ANKS3: variants seen among roughly 807,000 people sequenced by gnomAD.
The protein encoded by ANKS3 is ankyrin repeat and sterile alpha motif domain containing 3.
In ANKS3, 62 loss-of-function variants were observed where a neutral mutation model predicts 80.7. The ratio of observed to expected loss-of-function variants is 0.77; its 90% CI spans 0.63 to 0.95. The LOEUF (loss-of-function observed/expected upper bound fraction) is 0.95, where lower values mean the gene tolerates loss of function less well. Among genes scored for constraint, ANKS3 ranks in the 40% least tolerant of loss-of-function variants. The pLI is 0.00. For missense variants in ANKS3, 1,150 were observed against 883.6 expected (o/e 1.30, Z -3.82); for synonymous variants, 489 against 355.3 (o/e 1.38, Z -4.23).
intron 6 of ANKS3, among the ~76,000 whole-genome samples, chr16:4,720,264 C>A (rs1194204935): frequency 1.3e-5 from 2 of 149,292 alleles, no homozygotes; most frequent in East Asian, 2.0e-4. Flanking sequence ...GAGATTGAGA[C>A]CATCCTGGCC....
At chr16:4,724,551 G>A (rs1200331435) in intron 6 of ANKS3, among the ~76,000 whole-genome samples, 199 bp downstream of exon 6, 2 of 152,154 alleles carry the variant, frequency 1.3e-5, no homozygotes, top group Non-Finnish European at 2.9e-5. Flanking sequence ...AGGAATAGGT[G>A]TCTATTTCTA....
intron 3 of ANKS3, chr16:4,727,831 T>C (rs890606342): frequency 6.5e-6 from 1 of 153,196 alleles, no homozygotes. Context: ...ATTCTGGCAA[T>C]GCATTTTCCC....
At chr16:4,712,294 T>C (rs57462364) in intron 7 of ANKS3, among the ~76,000 whole-genome samples, 6,920 of 151,886 alleles carry the variant, frequency 0.046, 264 homozygotes, top group African/African-American at 0.098. Flanking sequence ...TTGCTTGAAC[T>C]CAGGAGGCGG....
chr16:4,697,888 A>T, intron 15 of ANKS3, 89 bp downstream of exon 15: 1 of 1,222,296 alleles, frequency 8.2e-7, no homozygotes, highest in Non-Finnish European at 1.1e-6. Flanking sequence ...CCGGCCGGAG[A>T]ACCAGGCCAA....
At chr16:4,714,990 C>CAAAAAAAAAAAAAAAAAAAAAAAAAAAAA (rs753327026) in intron 6 of ANKS3, among the ~76,000 whole-genome samples, 2 of 36,616 alleles carry the variant, frequency 5.5e-5, no homozygotes, top group African/African-American at 3.0e-4. Flanking sequence ...GACTCTGTCT[C>CAAAAAAAAAAAAAAAAAAAAAAAAAAAAA]AAAAAAAAAA....
At position 4,702,680 on chromosome 16, in the gene ANKS3, C is replaced by T. The variant is rs555709723; in HGVS notation, c.869-438G>A. ...TAGCGGGCCTCCTCTGGTCAGTCAA[C>T]CCCGGCGAAAAAGAGACCTGGCTGA... On this transcript the variant is annotated intron_variant, in intron 8 of 17. Coordinates refer to ENST00000304283, the MANE Select transcript of ANKS3 (RefSeq NM_133450.4). Among the ~76,000 whole-genome samples, 5 of 152,212 alleles carry T rather than the reference C, an allele frequency of 3.3e-5. No individual in the cohort carries two copies. In the South Asian group the frequency reaches 8.3e-4, roughly 25 times the overall value.
intron 1 of ANKS3, among the ~76,000 whole-genome samples, chr16:4,731,933 AG>A (rs1363569844): frequency 1.3e-5 from 2 of 152,206 alleles, no homozygotes; most frequent in Non-Finnish European, 2.9e-5. Context: ...AGGGTAGGAA[AG>A]GGAGCAAAGG....
chr16:4,702,284 G>A (rs776752307), intron 8 of ANKS3, 42 bp from the exon 9 acceptor site: 2 of 1,436,112 alleles, frequency 1.4e-6, no homozygotes, highest in East Asian at 2.8e-5. Context: ...GAACTCCAAA[G>A]TGAAACCTCC....
chr16:4,714,966 T>C (rs1301064249), intron 6 of ANKS3, among the ~76,000 whole-genome samples: 1 of 114,880 alleles, frequency 8.7e-6, no homozygotes, highest in Non-Finnish European at 1.6e-5. Context: ...CACTCCAGCC[T>C]GAAGACAGAG....
intron 13 of ANKS3, 94 bp downstream of exon 13, chr16:4,698,706 C>T (rs1596343282): frequency 1.3e-6 from 2 of 1,539,442 alleles, no homozygotes; most frequent in Non-Finnish European, 8.7e-7. Context: ...CTGCATCCAC[C>T]TGACCCCTCC....
At chr16:4,697,125 G>A (rs1397169841) in intron 16 of ANKS3, 21 bp from the exon 17 acceptor site, 3 of 1,610,544 alleles carry the variant, frequency 1.9e-6, no homozygotes, top group African/African-American at 1.3e-5. Flanking sequence ...ATGACCTTGA[G>A]CCTCTCCCGG....
In ANKS3 at chr16:4,700,758, T is replaced by C. The variant is rs760199054; in HGVS notation, c.1284+212A>G. On this transcript the variant is annotated intron_variant, in intron 11 of 17. Coordinates refer to ENST00000304283, the MANE Select transcript of ANKS3 (RefSeq NM_133450.4). ...GTATGGAAAGCAGGGAGACAGGTCC[T>C]TTCCGTGGAGAGGAACAGAGTAGAA... is the stretch of plus-strand genomic sequence containing the variant. 7.9e-5 allele frequency: 61 copies of C among 771,474 alleles called. 1 individual carries two copies. The highest frequency in any genetic ancestry group is 5.7e-4 in the South Asian group (42 of 73,054). 47.8% of individuals were successfully genotyped at this position (771,474 alleles called of 1,614,324 possible). A position where few individuals can be genotyped will look rare whatever the true frequency, so the allele number is the denominator to read the frequency against.
At chr16:4,707,836 C>G (rs755365553) in intron 7 of ANKS3, among the ~76,000 whole-genome samples, 1 of 152,032 alleles carries the variant, frequency 6.6e-6, no homozygotes, top group Non-Finnish European at 1.5e-5. Context: ...CAGGGCCGGG[C>G]GCGGTGGCTC....
Position 4,705,084 on chromosome 16 carries a change from G to A in ANKS3, c.868+11C>T, listed in dbSNP as rs757142326. 19 of 1,610,032 alleles carry A rather than the reference G, an allele frequency of 1.2e-5. No homozygotes were observed. In the Admixed American group the frequency reaches 1.7e-4, roughly 14 times the overall value. On this transcript the variant is annotated intron_variant, in intron 8 of 17. Coordinates refer to ENST00000304283, the MANE Select transcript of ANKS3 (RefSeq NM_133450.4). ...ATGAGAAAGAGCCCTCGGGAAACGC[G>A]GGCCACTCACCATAGCGAGGCCGTG...
intron 7 of ANKS3, 64 bp from the exon 8 acceptor site, chr16:4,705,317 G>C: frequency 1.3e-6 from 2 of 1,552,412 alleles, no homozygotes; most frequent in East Asian, 4.6e-5. Context: ...TAATCCTTAC[G>C]GCAAACTGAA....
chr16:4,698,745 T>G lies in ANKS3; in HGVS notation c.1551+55A>C. The G allele has an allele frequency of 3.9e-6, 6 of 1,556,830 alleles. No homozygotes were observed. In the South Asian group the frequency reaches 7.4e-5, roughly 19 times the overall value. On this transcript the variant is annotated intron_variant, in intron 13 of 17. Transcript: ENST00000304283. ...CAGCACCCACCTTTTCTGTCAGAGA[T>G]GGAGCCAACTCACGGGTGTCACCCT...
At position 4,698,619 on chromosome 16, in the gene ANKS3, G is replaced by C; in HGVS notation, c.1552-20C>G. ...GCAGCGCTGCAGGGGGGTGGGGGGC[G>C]CGGGGAGGCTGGGAGGTGGCCGGTC... On this transcript the variant is annotated intron_variant, in intron 13 of 17. Transcript: ENST00000304283. 6.5e-7 allele frequency: 1 copy of C among 1,540,476 alleles called. No homozygotes were observed. Among genetic ancestry groups the C allele is most frequent in the South Asian group, 1.2e-5 (1 of 82,030 alleles).
At chr16:4,729,660 C>T (rs79751176) in intron 3 of ANKS3, 4,155 of 173,828 alleles carry the variant, frequency 0.024, 65 homozygotes, top group Non-Finnish European at 0.03. Flanking sequence ...CGCACCAGGC[C>T]ATCACTTTCT....
intron 7 of ANKS3, 105 bp from the exon 8 acceptor site, chr16:4,705,358 T>G (rs1401443288): frequency 9.4e-6 from 13 of 1,377,808 alleles, no homozygotes; most frequent in Admixed American, 2.2e-5. Flanking sequence ...TTTGTTAAAT[T>G]AAGGAGAAGG....
Sources: allele counts gnomAD v4.1 joint callset (sites outside exome capture counted in the v4.1 genomes callset), GRCh38; gene constraint gnomAD v4.1.1; transcripts MANE v1.5; gene names NCBI Gene and HGNC (gene_info 2026-07-23, HGNC 2026-07-21).